WHRN: variants seen among roughly 807,000 people sequenced by gnomAD.
WHRN encodes whirlin.
WHRN carries 41 observed loss-of-function variants against 68.3 expected under a neutral mutation model. That is an observed-to-expected ratio of 0.60 (90% confidence interval 0.47 to 0.78). The LOEUF (loss-of-function observed/expected upper bound fraction) is 0.78. Ranked by LOEUF, WHRN falls within the 30% of genes least tolerant of loss-of-function variation. The pLI, the probability that WHRN is intolerant of heterozygous loss-of-function variation, is 0.00. For synonymous variants in WHRN, 560 were observed against 561.3 expected, an observed-to-expected ratio of 1.00 and a Z score of 0.03; for missense variants, 1,243 against 1,244.7, an observed-to-expected ratio of 1.00 and a Z score of 0.02.
Position 114,402,682 on chromosome 9 carries a change from G to A in WHRN, c.*72C>T. ...GCAGCCCCAACCCCGCAAGGAGCTT[G>A]ATGAAGCCAACGGTGGAAAGGGACT... On this transcript the variant is annotated 3_prime_UTR_variant, in exon 12 of 12. Coordinates refer to ENST00000362057, the MANE Select transcript of WHRN (RefSeq NM_015404.4). 6.3e-7 allele frequency: 1 copy of A among 1,595,006 alleles called. No homozygotes were observed.
intron 3 of WHRN, among the ~76,000 whole-genome samples, chr9:114,437,540 T>C (rs1837967817): frequency 6.6e-6 from 1 of 152,216 alleles, no homozygotes. Flanking sequence ...TATTTGAAGA[T>C]AGGGCCTGTG....
chr9:114,406,757 A>G lies in WHRN; in HGVS notation c.1834T>C (p.Ser612Pro). 6.2e-7 allele frequency: 1 copy of G among 1,614,078 alleles called. No homozygotes were observed. Among genetic ancestry groups the G allele is most frequent in the Non-Finnish European group, 8.5e-7 (1 of 1,179,990 alleles). Residue 612 changes from serine to proline, a missense_variant, in exon 9 of 12, where the codon TCC (serine) becomes CCC (proline). Coordinates refer to ENST00000362057, the MANE Select transcript of WHRN (RefSeq NM_015404.4). ...LGREDLQPPS[S>P]MPSCSGTVFS... is the part of the protein sequence containing the mutation. ...ACAGTGCCCGAGCAGGAAGGCATGG[A>G]GGAAGGTGGCTGGAGGTCCTCTCTC... is the stretch of plus-strand genomic sequence containing the variant.
intron 3 of WHRN, among the ~76,000 whole-genome samples, chr9:114,457,718 C>T (rs1839920747): frequency 6.6e-6 from 1 of 152,046 alleles, no homozygotes. Flanking sequence ...GAGTTTGAAA[C>T]CCGCCTGGCC....
chr9:114,410,627 G>A (rs978566677), intron 7 of WHRN, among the ~76,000 whole-genome samples: 2 of 152,202 alleles, frequency 1.3e-5, no homozygotes, highest in African/African-American at 4.8e-5. Flanking sequence ...CGGGCCTTCC[G>A]GGTCAGAGCC....
At chr9:114,418,323 C>T (rs1480357583) in intron 7 of WHRN, among the ~76,000 whole-genome samples, 1 of 152,186 alleles carries the variant, frequency 6.6e-6, no homozygotes, top group Non-Finnish European at 1.5e-5. Context: ...CAGGAGACAA[C>T]AGGGCAGGGG....
intron 1 of WHRN, among the ~76,000 whole-genome samples, chr9:114,498,596 G>A (rs1843659805): frequency 6.6e-6 from 1 of 152,140 alleles, no homozygotes; most frequent in African/African-American, 2.4e-5. Context: ...CCCTTGATAT[G>A]TAGGTCTCAG....
At position 114,452,457 on chromosome 9, in the gene WHRN, GTTC is replaced by G. The variant is rs528371491; in HGVS notation, c.963+13807_963+13809del. 2.9e-3 allele frequency among the ~76,000 whole-genome samples: 441 copies of G among 152,354 alleles called. 2 individuals carry two copies. The highest frequency in any genetic ancestry group is 5.2e-3 in the Non-Finnish European group (352 of 68,038). ...GCACACAGTAAGTATCCGGGAAATT[GTTC>G]TTGTCTTGAAGAAGTGACTGTGGAG... On this transcript the variant is annotated intron_variant, in intron 3 of 11. Coordinates refer to ENST00000362057, the MANE Select transcript of WHRN (RefSeq NM_015404.4).
At chr9:114,429,748 G>A (rs561328914) in intron 3 of WHRN, among the ~76,000 whole-genome samples, 31 of 152,104 alleles carry the variant, frequency 2.0e-4, no homozygotes, top group Admixed American at 1.3e-4. Flanking sequence ...TCTCGCCTCT[G>A]CAGCTCCCTC....
chr9:114,406,403 C>G lies in WHRN; in HGVS notation c.2188G>C (p.Asp730His). 6.2e-7 allele frequency: 1 copy of G among 1,614,158 alleles called. No individual in the cohort carries two copies. The highest frequency in any genetic ancestry group is 8.5e-7 in the Non-Finnish European group (1 of 1,180,044). Residue 730 changes from aspartate to histidine, a missense_variant, in exon 9 of 12, where the codon GAC becomes CAC. Coordinates refer to ENST00000362057, the MANE Select transcript of WHRN (RefSeq NM_015404.4). ...HFVMVEVHRP[D>H]SEPDVNEVRA... ...ACTTCATTGACGTCTGGCTCGCTGTCGGGGCGGTGGACCTCCACCATGACA... is the reference window on the plus strand; with the variant it reads ...ACTTCATTGACGTCTGGCTCGCTGTGGGGGCGGTGGACCTCCACCATGACA...
intron 1 of WHRN, among the ~76,000 whole-genome samples, chr9:114,486,963 A>G (rs1242257262): frequency 0.044 from 37 of 846 alleles, 1 homozygote; most frequent in Middle Eastern, 0.5. Context: ...GTGTGTGTAT[A>G]TATATATATA....
At chr9:114,444,384 T>C (rs1838640412) in intron 3 of WHRN, among the ~76,000 whole-genome samples, 2 of 152,288 alleles carry the variant, frequency 1.3e-5, no homozygotes, top group East Asian at 3.9e-4. Context: ...CTGCATGGTA[T>C]ATCCATACAG....
At chr9:114,424,268 G>T (rs1039220828) in intron 6 of WHRN, 66 bp downstream of exon 6, 4 of 1,551,276 alleles carry the variant, frequency 2.6e-6, no homozygotes, top group Middle Eastern at 2.3e-4. Flanking sequence ...GCAAAGGAGC[G>T]GGGGCAGGGC....
At chr9:114,464,263 CAAT>C (rs527979134) in intron 3 of WHRN, among the ~76,000 whole-genome samples, 124 of 152,298 alleles carry the variant, frequency 8.1e-4, no homozygotes, top group Non-Finnish European at 1.3e-3. Context: ...ATGTCTATAA[CAAT>C]GATGATAATG....
intron 3 of WHRN, among the ~76,000 whole-genome samples, chr9:114,429,686 C>T (rs1306009684): frequency 6.6e-6 from 1 of 152,206 alleles, no homozygotes; most frequent in African/African-American, 2.4e-5. Flanking sequence ...TGGTACTCAG[C>T]AAGCACTCAA....
chr9:114,481,340 T>A (rs7045848), intron 1 of WHRN, among the ~76,000 whole-genome samples: 7,909 of 152,330 alleles, frequency 0.052, 554 homozygotes, highest in African/African-American at 0.14. Context: ...TCTGCTTTTA[T>A]AAAAGATTTT....
intron 1 of WHRN, chr9:114,491,625 G>A (rs777204104): frequency 4.4e-5 from 10 of 227,376 alleles, no homozygotes; most frequent in Non-Finnish European, 7.5e-5. Context: ...AGCGCGCCTC[G>A]GTTAAGGGAA....
In WHRN at chr9:114,419,565, G is replaced by A. The variant is rs375571393; in HGVS notation, c.1626+3749C>T. Among the ~76,000 whole-genome samples, 9 of 152,364 alleles carry A rather than the reference G, an allele frequency of 5.9e-5. 1 individual carries two copies. Among genetic ancestry groups the A allele is most frequent in the African/African-American group, 2.2e-4 (9 of 41,588 alleles). Reference sequence around the variant, plus strand: ...AAGCCCGGGGGCAAGAGGAGCCGTGGCCTGAAAGTCACTCCCCTTGGGAGG... The same window carrying A: ...AAGCCCGGGGGCAAGAGGAGCCGTGACCTGAAAGTCACTCCCCTTGGGAGG... On this transcript the variant is annotated intron_variant, in intron 7 of 11. Transcript: ENST00000362057.
intron 3 of WHRN, among the ~76,000 whole-genome samples, chr9:114,427,187 G>T (rs1482058461): frequency 6.6e-6 from 1 of 152,216 alleles, no homozygotes; most frequent in Non-Finnish European, 1.5e-5. Context: ...GAGCCCAAGA[G>T]TTCGAGGCTG....
intron 2 of WHRN, among the ~76,000 whole-genome samples, chr9:114,475,709 G>A (rs1053219745): frequency 6.6e-6 from 1 of 152,136 alleles, no homozygotes; most frequent in East Asian, 1.9e-4. Context: ...CTGGAGAGAA[G>A]AGAATCAGAC....
Sources: allele counts gnomAD v4.1 joint callset (sites outside exome capture counted in the v4.1 genomes callset), GRCh38; gene constraint gnomAD v4.1.1; transcripts MANE v1.5; gene names NCBI Gene and HGNC (gene_info 2026-07-23, HGNC 2026-07-21).